BRME1: variants seen among roughly 807,000 people sequenced by gnomAD.
BRME1 encodes the protein BRCA2 and MEILB2-associating protein 1.
Under a neutral mutation model 52.6 loss-of-function variants are expected in BRME1, and 31 were observed. The ratio of observed to expected loss-of-function variants is 0.59; its 90% CI spans 0.44 to 0.80. BRME1 has a LOEUF of 0.80. BRME1 is among the 30% of genes least tolerant of loss of function. The probability of loss-of-function intolerance (pLI) is 0.00; values close to 1 mark genes in which losing one functional copy is unlikely to be tolerated. For missense variants in BRME1, 804 were observed against 860.3 expected (o/e 0.93, Z 0.82); for synonymous variants, 359 against 353.6 (o/e 1.02, Z -0.17).
intron 5 of BRME1, among the ~76,000 whole-genome samples, chr19:13,892,099 C>T (rs1033590272): frequency 6.7e-5 from 10 of 150,268 alleles, no homozygotes; most frequent in Non-Finnish European, 1.0e-4. Flanking sequence ...ATTGTAGAGA[C>T]AGAGTCTTGC....
At position 13,883,227 on chromosome 19, in the gene BRME1, C is replaced by T; in HGVS notation, c.1856+81G>A. On this transcript the variant is annotated intron_variant, in intron 8 of 8. Coordinates refer to ENST00000586783, the MANE Select transcript of BRME1 (RefSeq NM_001345843.2). This position sits in a 1 kb window ranked among gnomAD's most constrained non-coding sequence, Gnocchi z 4.2. The stretch of plus-strand genomic sequence containing the variant: ...CCTCGCTGCCCACCTAGGGGCTTCA[C>T]ACTTCAGTCCCTCCCTGCTCCTCTG... 4 of 1,308,160 alleles carry T rather than the reference C, an allele frequency of 3.1e-6. No homozygotes were observed. Among genetic ancestry groups the T allele is most frequent in the Admixed American group, 4.2e-5 (2 of 48,130 alleles). The allele number at this position is 1,308,160 out of a possible 1,614,324, so 81.0% of individuals were successfully genotyped here.
intron 5 of BRME1, among the ~76,000 whole-genome samples, chr19:13,891,118 C>T (rs1834947011): frequency 8.2e-6 from 1 of 121,652 alleles, no homozygotes; most frequent in African/African-American, 4.0e-5. Context: ...TCAGACCACA[C>T]CAATGTCAAT....
intron 2 of BRME1, among the ~76,000 whole-genome samples, chr19:13,900,306 C>T (rs1275720255): frequency 2.6e-5 from 4 of 152,154 alleles, no homozygotes; most frequent in African/African-American, 9.7e-5. Context: ...CTCTCTCCAC[C>T]CTTCCAGCAC....
At chr19:13,902,925 CAAA>C (rs924463865) in intron 2 of BRME1, among the ~76,000 whole-genome samples, 2 of 88,030 alleles carry the variant, frequency 2.3e-5, no homozygotes, top group Non-Finnish European at 2.4e-5. Context: ...AACTCCGTCT[CAAA>C]AAAAAAAAAA....
intron 2 of BRME1, among the ~76,000 whole-genome samples, chr19:13,900,152 AAG>A (rs1312205984): frequency 6.6e-6 from 1 of 152,208 alleles, no homozygotes; most frequent in African/African-American, 2.4e-5. Flanking sequence ...AATGGCATTG[AAG>A]AGTCTTCTCT....
Position 13,882,696 on chromosome 19 carries a change from A to C in BRME1, c.*106T>G. 6.8e-7 allele frequency: 1 copy of C among 1,468,012 alleles called. No individual in the cohort carries two copies. The allele number at this position is 1,468,012 out of a possible 1,614,324, so 90.9% of individuals were successfully genotyped here. On this transcript the variant is annotated 3_prime_UTR_variant, in exon 9 of 9. Coordinates refer to ENST00000586783, the MANE Select transcript of BRME1 (RefSeq NM_001345843.2). ...TCCATGGAAGACCAACTTCCGGGCA[A>C]CTGAAGGGAGGTTTGTAGGGTCCAC...
rs894816589 is a variant in BRME1 at position 13,905,190 on chromosome 19, C to T, written c.-21-277G>A. On this transcript the variant is annotated intron_variant, in intron 1 of 8. Coordinates refer to ENST00000586783, the MANE Select transcript of BRME1 (RefSeq NM_001345843.2). Reference sequence around the variant, plus strand: ...CCTGGGGGGTCCTTATAGATAGCCCCGGGGACCCAGACTCTGGTCCCTAGG... The same window carrying T: ...CCTGGGGGGTCCTTATAGATAGCCCTGGGGACCCAGACTCTGGTCCCTAGG... Among the ~76,000 whole-genome samples the T allele has an allele frequency of 6.6e-5, 10 of 152,146 alleles. No homozygotes were observed. In the East Asian group the frequency reaches 1.5e-3, roughly 24 times the overall value.
At chr19:13,897,297 A>C (rs1456934736) in intron 2 of BRME1, among the ~76,000 whole-genome samples, 2 of 151,680 alleles carry the variant, frequency 1.3e-5, no homozygotes, top group Non-Finnish European at 2.9e-5. Flanking sequence ...TCGGCCTCCC[A>C]AAGTGCTGGG....
At chr19:13,902,959 C>T (rs1466278852) in intron 2 of BRME1, among the ~76,000 whole-genome samples, 1 of 150,796 alleles carries the variant, frequency 6.6e-6, no homozygotes, top group Non-Finnish European at 1.5e-5. Flanking sequence ...AGCAGTGTAC[C>T]GAGGTTAGAG....
intron 3 of BRME1, 96 bp from the exon 4 acceptor site, chr19:13,893,319 AC>A: frequency 9.4e-7 from 1 of 1,063,450 alleles, no homozygotes; most frequent in Admixed American, 2.6e-5. Context: ...CGGGCAGATC[AC>A]CGAGGCCAGG....
rs1391473668 is a variant in BRME1 at position 13,888,139 on chromosome 19, G to T, written c.1668+1049C>A. On this transcript the variant is annotated intron_variant, in intron 6 of 8. Transcript: ENST00000586783. The surrounding 1 kb of genome is among the most constrained non-coding windows in gnomAD (Gnocchi z 4.1). ...GGGCTTCACCATGTTGGCCAGGCTGGTCCTGCTCTCCTGCCTCGGTCTCCC... is the reference window on the plus strand; with the variant it reads ...GGGCTTCACCATGTTGGCCAGGCTGTTCCTGCTCTCCTGCCTCGGTCTCCC... 2.0e-5 allele frequency among the ~76,000 whole-genome samples: 3 copies of T among 151,918 alleles called. No homozygotes were observed. The highest frequency in any genetic ancestry group is 7.3e-5 in the African/African-American group (3 of 41,352).
intron 2 of BRME1, among the ~76,000 whole-genome samples, chr19:13,897,086 T>A (rs543564323): frequency 6.7e-6 from 1 of 150,188 alleles, no homozygotes; most frequent in Admixed American, 6.7e-5. Context: ...GTCACCAGGC[T>A]GGAGTGCAAT....
rs1159325305 is a variant in BRME1 at position 13,898,923 on chromosome 19, C to CAA, written c.32-3379_32-3378dup. On this transcript the variant is annotated intron_variant, in intron 2 of 8. Transcript: ENST00000586783. ...GGGCAACAAGAGTGAAACTCCATCTCAAAAAAAAAAAAAAAAAAAAAAGAA... is the reference window on the plus strand; with the variant it reads ...GGGCAACAAGAGTGAAACTCCATCTCAAAAAAAAAAAAAAAAAAAAAAAAGAA... Among the ~76,000 whole-genome samples the CAA allele has an allele frequency of 1.4e-3, 93 of 67,450 alleles. 1 individual carries two copies. Among genetic ancestry groups the CAA allele is most frequent in the Middle Eastern group, 0.014 (1 of 74 alleles). The allele number at this position is 67,450 out of a possible 152,430, so 44.2% of individuals were successfully genotyped here.
intron 2 of BRME1, among the ~76,000 whole-genome samples, chr19:13,899,273 T>A (rs888420929): frequency 6.6e-6 from 1 of 151,372 alleles, no homozygotes. Flanking sequence ...CTCAGCCTCC[T>A]GATTGGCTGC....
In BRME1 at chr19:13,889,756, G is replaced by A; in HGVS notation, c.1100C>T (p.Ser367Leu). The A allele has an allele frequency of 1.2e-6, 2 of 1,610,382 alleles. No homozygotes were observed. Among genetic ancestry groups the A allele is most frequent in the East Asian group, 2.2e-5 (1 of 44,854 alleles). ...GGCCTTCCTCCTGGGAGAGGCAGGT[G>A]ATATGGCACTGGCCTGCCCATCGGG... ...AGPDGQASAISPASPRRKAAD... is the reference protein window; with the variant it reads ...AGPDGQASAILPASPRRKAAD... The change falls in exon 6 of 9, where the codon TCA (serine) becomes TTA (leucine). Residue 367 changes from serine (S) to leucine (L), a missense_variant. Transcript: ENST00000586783.
In BRME1 at chr19:13,888,206, T is replaced by C. The variant is rs910953004; in HGVS notation, c.1668+982A>G. Among the ~76,000 whole-genome samples the C allele has an allele frequency of 3.3e-5, 5 of 150,608 alleles. No individual in the cohort carries two copies. Among genetic ancestry groups the C allele is most frequent in the African/African-American group, 5.0e-5 (2 of 40,364 alleles). On this transcript the variant is annotated intron_variant, in intron 6 of 8. Transcript: ENST00000586783. The surrounding 1 kb of genome is among the most constrained non-coding windows in gnomAD (Gnocchi z 4.1). ...AGGTGGGAGCCACTGTGCCTGGCCATGAATTTTTTTTTTTTTTTTTAACAT... is the reference window on the plus strand; with the variant it reads ...AGGTGGGAGCCACTGTGCCTGGCCACGAATTTTTTTTTTTTTTTTTAACAT...
Position 13,895,392 on chromosome 19 carries a change from T to A in BRME1, c.186A>T (p.Glu62Asp). 6.2e-7 allele frequency: 1 copy of A among 1,613,296 alleles called. No homozygotes were observed. The highest frequency in any genetic ancestry group is 2.2e-5 in the East Asian group (1 of 44,868). The change falls in exon 3 of 9, where the codon GAA (glutamate) becomes GAT (aspartate). Residue 62 changes from glutamate (E) to aspartate (D), a missense_variant. By Grantham distance (45) the Glu-to-Asp change is conservative. Transcript: ENST00000586783. ...CCTACCTGGAGACGGCCTTTCCTGG[T>A]TCCTCCCCGTGCTGCTGTGTAGAGG... Reference protein sequence around the residue: ...PVPSTQQHGEEPGKAVSSSPD... With the variant: ...PVPSTQQHGEDPGKAVSSSPD...
chr19:13,893,237 G>T lies in BRME1; in HGVS notation c.207-14C>A, dbSNP rs1307822298. 6.4e-7 allele frequency: 1 copy of T among 1,567,722 alleles called. No homozygotes were observed. The highest frequency in any genetic ancestry group is 8.6e-7 in the Non-Finnish European group (1 of 1,156,468). On this transcript the variant is annotated splice_polypyrimidine_tract_variant and intron_variant, in intron 3 of 8. Transcript: ENST00000586783. ...TCATCAGGGGAGCTATGTAGGAAAA[G>T]ATAAAACTGAAGGAGATCTGCCCGG...
At chr19:13,885,896 C>G in intron 7 of BRME1, 65 bp downstream of exon 7, 1 of 1,432,186 alleles carries the variant, frequency 7.0e-7, no homozygotes, top group Non-Finnish European at 9.8e-7. Context: ...TCTCCTCCAT[C>G]TGTCACCCTC....
Sources: gnomAD v4.1 joint callset for allele counts (sites outside exome capture counted in the v4.1 genomes callset) on GRCh38, gnomAD v4.1.1 for gene constraint, Gnocchi (gnomAD v3.1) non-coding constraint, MANE v1.5 for transcripts, NCBI Gene and HGNC (gene_info 2026-07-23, HGNC 2026-07-21) for gene names.